ARMS2: variants seen among roughly 807,000 people sequenced by gnomAD.
ARMS2 encodes the protein age-related maculopathy susceptibility protein 2.
Under a neutral mutation model 6.0 loss-of-function variants are expected in ARMS2, and 4 were observed. The observed-to-expected ratio is 0.67, with a 90% CI of 0.33 to 1.53. The LOEUF is 1.53. ARMS2 is among the 40% of genes most tolerant of loss of function. The pLI is 0.06. For synonymous variants in ARMS2, 49 were observed against 51.7 expected, an observed-to-expected ratio of 0.95 and a Z score of 0.22; for missense variants, 99 against 127.6, an observed-to-expected ratio of 0.78 and a Z score of 1.08.
Position 122,454,795 on chromosome 10 carries a change from G to A in ARMS2, c.68G>A (p.Ser23Asn), listed in dbSNP as rs1250425160. Residue 23 changes from serine (S) to asparagine (N), a missense_variant, in exon 1 of 2, where the codon AGT (serine) becomes AAT (asparagine). Ser to Asn is a conservative substitution (Grantham distance 46). Coordinates refer to ENST00000528446, the MANE Select transcript of ARMS2 (RefSeq NM_001099667.3). The stretch of plus-strand genomic sequence containing the variant: ...GGGAAAGGAGGGCCTGAGATGGCAA[G>A]TCTGTCCTCCTCGGTGGTTCCTGTG... ...AEGKGGPEMA[S>N]LSSSVVPVSF... 6.2e-7 allele frequency: 1 copy of A among 1,614,038 alleles called. No individual in the cohort carries two copies. Among genetic ancestry groups the A allele is most frequent in the South Asian group, 1.1e-5 (1 of 91,090 alleles).
chr10:122,455,798 G>A (rs2097476657), intron 1 of ARMS2, among the ~76,000 whole-genome samples: 1 of 152,060 alleles, frequency 6.6e-6, no homozygotes, highest in Non-Finnish European at 1.5e-5. Context: ...TTGATTCAAT[G>A]TTAAACCATT....
chr10:122,456,469 A>C (rs996175884), intron 1 of ARMS2, among the ~76,000 whole-genome samples: 1 of 151,994 alleles, frequency 6.6e-6, no homozygotes, highest in Non-Finnish European at 1.5e-5. Flanking sequence ...AGCCTGGTCA[A>C]CATGGTGAAA....
chr10:122,456,025 A>C (rs898910893), intron 1 of ARMS2, among the ~76,000 whole-genome samples: 6 of 152,180 alleles, frequency 3.9e-5, no homozygotes, highest in African/African-American at 1.4e-4. Flanking sequence ...GAAGGAGCCA[A>C]TTAATGCAAA....
rs1245244015 is a variant in ARMS2, at chr10:122,454,793, A to C, written c.66A>C (p.Ala22=). The change falls in exon 1 of 2, where the codon GCA becomes GCC. Residue 22 remains alanine, a synonymous_variant. Coordinates refer to ENST00000528446, the MANE Select transcript of ARMS2 (RefSeq NM_001099667.3). The part of the protein sequence containing the change: ...EAEGKGGPEM[A]SLSSSVVPVS... ...AGGGGAAAGGAGGGCCTGAGATGGC[A>C]AGTCTGTCCTCCTCGGTGGTTCCTG... The C allele has an allele frequency of 1.2e-6, 2 of 1,613,946 alleles. No individual in the cohort carries two copies. Among genetic ancestry groups the C allele is most frequent in the Non-Finnish European group, 1.7e-6 (2 of 1,179,868 alleles).
chr10:122,454,949 G>T lies in ARMS2; in HGVS notation c.222G>T (p.Glu74Asp), dbSNP rs746750063. 2 of 1,613,954 alleles carry T rather than the reference G, an allele frequency of 1.2e-6. No homozygotes were observed. Among genetic ancestry groups the T allele is most frequent in the Non-Finnish European group, 1.7e-6 (2 of 1,179,862 alleles). ...SMIPAAKIHT[E>D]LCLPAFFSPA... is the part of the protein sequence containing the mutation. Reference sequence around the variant, plus strand: ...TCCCAGCTGCTAAAATCCACACTGAGCTCTGCTTACCAGCCTTCTTCTCTC... The same window carrying T: ...TCCCAGCTGCTAAAATCCACACTGATCTCTGCTTACCAGCCTTCTTCTCTC... Residue 74 changes from glutamate to aspartate, a missense_variant, in exon 1 of 2, where the codon GAG becomes GAT. Coordinates refer to ENST00000528446, the MANE Select transcript of ARMS2 (RefSeq NM_001099667.3).
chr10:122,455,319 T>C (rs186795352), intron 1 of ARMS2, among the ~76,000 whole-genome samples: 122 of 152,338 alleles, frequency 8.0e-4, no homozygotes, highest in African/African-American at 2.6e-3. Flanking sequence ...CCAAAGCTTA[T>C]AGAAGGCCAT....
chr10:122,455,936 A>G (rs2097476776), intron 1 of ARMS2, among the ~76,000 whole-genome samples: 2 of 152,014 alleles, frequency 1.3e-5, no homozygotes, highest in Non-Finnish European at 2.9e-5. Flanking sequence ...TTTGAATTGT[A>G]TCTGTCTGAT....
rs1295902189 is a variant in ARMS2, at chr10:122,456,954, T to C, written c.*21T>C. The C allele has an allele frequency of 3.2e-6, 5 of 1,551,450 alleles. No homozygotes were observed. The highest frequency in any genetic ancestry group is 4.4e-6 in the Non-Finnish European group (5 of 1,146,916). Reference sequence around the variant, plus strand: ...GGTGATTCTGCCAAAACATATCTCCTTAAAAGCCAACTGGAGCTTCTCATC... The same window carrying C: ...GGTGATTCTGCCAAAACATATCTCCCTAAAAGCCAACTGGAGCTTCTCATC... On this transcript the variant is annotated 3_prime_UTR_variant, in exon 2 of 2. Transcript: ENST00000528446.
chr10:122,454,947 G>A lies in ARMS2; in HGVS notation c.220G>A (p.Glu74Lys), dbSNP rs2097476058. Residue 74 changes from glutamate to lysine, a missense_variant, in exon 1 of 2, where the codon GAG (glutamate) becomes AAG (lysine). Transcript: ENST00000528446. ...SMIPAAKIHTELCLPAFFSPA... is the reference protein window; with the variant it reads ...SMIPAAKIHTKLCLPAFFSPA... ...GATCCCAGCTGCTAAAATCCACACT[G>A]AGCTCTGCTTACCAGCCTTCTTCTC... The A allele has an allele frequency of 6.2e-7, 1 of 1,613,850 alleles. No homozygotes were observed. Among genetic ancestry groups the A allele is most frequent in the Admixed American group, 1.7e-5 (1 of 59,992 alleles).
rs1362665793 is a variant in ARMS2 at position 122,454,688 on chromosome 10, G to A, written c.-40G>A. 3 of 1,597,120 alleles carry A rather than the reference G, an allele frequency of 1.9e-6. No homozygotes were observed. The highest frequency in any genetic ancestry group is 2.6e-6 in the Non-Finnish European group (3 of 1,168,534). ...GAGATGGCAGCTGGCTTGGCAAGGG[G>A]ACAGCACCTTTGTCACCACATTATG... On this transcript the variant is annotated 5_prime_UTR_variant, in exon 1 of 2. Coordinates refer to ENST00000528446, the MANE Select transcript of ARMS2 (RefSeq NM_001099667.3).
chr10:122,457,248 C>G lies in ARMS2; in HGVS notation c.*315C>G, dbSNP rs144288931. The G allele has an allele frequency of 2.2e-5, 7 of 315,816 alleles. No homozygotes were observed. Among genetic ancestry groups the G allele is most frequent in the African/African-American group, 1.5e-4 (7 of 46,972 alleles). The allele number at this position is 315,816 out of a possible 1,614,324, so 19.6% of individuals were successfully genotyped here. A position where few individuals can be genotyped will look rare whatever the true frequency, so the allele number is the denominator to read the frequency against. ...TCCTAACATCTGGATTCCTCTCTGT[C>G]ACTGCATTCCCTCCTGTCATCCTGC... On this transcript the variant is annotated 3_prime_UTR_variant, in exon 2 of 2. Coordinates refer to ENST00000528446, the MANE Select transcript of ARMS2 (RefSeq NM_001099667.3).
At position 122,454,886 on chromosome 10, in the gene ARMS2, C is replaced by G; in HGVS notation, c.159C>G (p.Asp53Glu). The G allele has an allele frequency of 3.1e-6, 5 of 1,613,946 alleles. No individual in the cohort carries two copies. In the South Asian group the frequency reaches 5.5e-5, roughly 18 times the overall value. ...GAGTTGGTGGAGAAGGAGCCAGTGACAAGCAGAGGAGCAAACTGTCTTTAT... is the reference window on the plus strand; with the variant it reads ...GAGTTGGTGGAGAAGGAGCCAGTGAGAAGCAGAGGAGCAAACTGTCTTTAT... ...DPGVGGEGAS[D>E]KQRSKLSLSH... The change falls in exon 1 of 2, where the codon GAC becomes GAG. Residue 53 changes from aspartate to glutamate, a missense_variant. By Grantham distance (45) the Asp-to-Glu change is conservative (BLOSUM62 2). Transcript: ENST00000528446.
At position 122,454,777 on chromosome 10, in the gene ARMS2, G is replaced by A. The variant is rs1423827879; in HGVS notation, c.50G>A (p.Gly17Glu). 1.2e-6 allele frequency: 2 copies of A among 1,613,886 alleles called. No homozygotes were observed. The highest frequency in any genetic ancestry group is 1.7e-6 in the Non-Finnish European group (2 of 1,179,884). ...GPMVTEAEGK[G>E]GPEMASLSSS... ...ATGGTAACTGAGGCGGAGGGGAAAG[G>A]AGGGCCTGAGATGGCAAGTCTGTCC... is the stretch of plus-strand genomic sequence containing the variant. Residue 17 changes from glycine (G) to glutamate (E), a missense_variant, in exon 1 of 2, where the codon GGA becomes GAA. Gly to Glu is a moderately conservative substitution (Grantham distance 98). Coordinates refer to ENST00000528446, the MANE Select transcript of ARMS2 (RefSeq NM_001099667.3).
Position 122,457,042 on chromosome 10 carries a change from G to A in ARMS2, c.*109G>A. ...AGGGAGTCCCTCACAACCTAGACTG[G>A]TCCCCTTCCCTCCAGCTGCCTCAAC... On this transcript the variant is annotated 3_prime_UTR_variant, in exon 2 of 2. Coordinates refer to ENST00000528446, the MANE Select transcript of ARMS2 (RefSeq NM_001099667.3). 7.0e-7 allele frequency: 1 copy of A among 1,422,204 alleles called. No homozygotes were observed. The highest frequency in any genetic ancestry group is 2.1e-5 in the Admixed American group (1 of 46,708). The allele number at this position is 1,422,204 out of a possible 1,614,324, so 88.1% of individuals were successfully genotyped here.
intron 1 of ARMS2, among the ~76,000 whole-genome samples, chr10:122,455,366 G>A (rs922317480): frequency 6.6e-6 from 1 of 152,212 alleles, no homozygotes. Context: ...TGGCTTTAGG[G>A]TTTACTGAAG....
chr10:122,455,596 C>T (rs543561949), intron 1 of ARMS2, among the ~76,000 whole-genome samples: 1 of 152,176 alleles, frequency 6.6e-6, no homozygotes, highest in Non-Finnish European at 1.5e-5. Flanking sequence ...AAAATTTAGA[C>T]ATCAAGCAGC....
Position 122,457,004 on chromosome 10 carries a change from C to T in ARMS2, c.*71C>T. 6.5e-7 allele frequency: 1 copy of T among 1,547,548 alleles called. No homozygotes were observed. Among genetic ancestry groups the T allele is most frequent in the East Asian group, 2.4e-5 (1 of 40,870 alleles). Reference sequence around the variant, plus strand: ...CAGCATCAATGTGAAGCCAAAAATCCTTAGGAGGACAGAGGGAGTCCCTCA... The same window carrying T: ...CAGCATCAATGTGAAGCCAAAAATCTTTAGGAGGACAGAGGGAGTCCCTCA... On this transcript the variant is annotated 3_prime_UTR_variant, in exon 2 of 2. Transcript: ENST00000528446.
rs763581382 is a variant in ARMS2, at chr10:122,454,992, A to T, written c.265A>T (p.Arg89Trp). The T allele has an allele frequency of 2.5e-6, 4 of 1,604,980 alleles. No homozygotes were observed. The Admixed American group carries it at 6.7e-5, about 27-fold the overall frequency. Residue 89 changes from arginine to tryptophan, a missense_variant, in exon 1 of 2, where the codon AGG becomes TGG. Coordinates refer to ENST00000528446, the MANE Select transcript of ARMS2 (RefSeq NM_001099667.3). ...CTTCTCTCCTGCTGGAACCCAGAGG[A>T]GGTTCCAGCAGCCTCAGCACCACCT... is the stretch of plus-strand genomic sequence containing the variant. Reference protein sequence around the residue: ...AFFSPAGTQRRFQQPQHHLTL... With the variant: ...AFFSPAGTQRWFQQPQHHLTL...
chr10:122,456,868 C>CTA (rs72511653), intron 1 of ARMS2, 39 bp from the exon 2 acceptor site: 932,217 of 1,543,288 alleles, frequency 0.6, 283,381 homozygotes, highest in African/African-American at 0.72. Context: ...CGTCATGTGT[C>CTA]TTTAAAAATG....
Sources: allele counts gnomAD v4.1 joint callset (sites outside exome capture counted in the v4.1 genomes callset), GRCh38; gene constraint gnomAD v4.1.1; transcripts MANE v1.5; gene names NCBI Gene and HGNC (gene_info 2026-07-23, HGNC 2026-07-21).